ZNF519: variants seen among roughly 807,000 people sequenced by gnomAD.
The protein encoded by ZNF519 is similar to Zinc finger protein 85 (Zinc finger protein HPF4) (HTF1).
In ZNF519, 7 loss-of-function variants were observed where a neutral mutation model predicts 7.4. The observed-to-expected ratio is 0.94, with a 90% CI of 0.54 to 1.77. The LOEUF (loss-of-function observed/expected upper bound fraction) is 1.77, where lower values mean the gene tolerates loss of function less well. ZNF519 is among the 40% of genes most tolerant of loss of function. ZNF519 has a pLI of 0.00. For missense variants in ZNF519, 586 were observed against 623.1 expected, an observed-to-expected ratio of 0.94 and a Z score of 0.63; for synonymous variants, 179 against 203.3, an observed-to-expected ratio of 0.88 and a Z score of 1.02.
chr18:14,119,905 G>A (rs2046262729), intron 2 of ZNF519, among the ~76,000 whole-genome samples: 1 of 152,134 alleles, frequency 6.6e-6, no homozygotes, highest in African/African-American at 2.4e-5. Flanking sequence ...AATACAGTAA[G>A]ATATTGATGA....
intron 1 of ZNF519, among the ~76,000 whole-genome samples, chr18:14,126,305 C>T (rs2046299249): frequency 6.6e-6 from 1 of 152,178 alleles, no homozygotes; most frequent in Non-Finnish European, 1.5e-5. Flanking sequence ...CTATTTTAGC[C>T]ACTTCCCTAT....
chr18:14,106,462 T>C (rs1567948924), intron 2 of ZNF519, 53 bp from the exon 3 acceptor site: 3 of 1,446,356 alleles, frequency 2.1e-6, no homozygotes, highest in East Asian at 2.3e-5. Flanking sequence ...CAGTTGAATA[T>C]ACTTTACAAA....
Position 14,106,158 on chromosome 18 carries a change from GCTT to G in ZNF519, c.379_381del (p.Lys127del). ...GTAGGAGCAGCTGACAGAAACTGAG[GCTT>G]CTTCTGAAATATTCTATATTCTTTG... On this transcript the variant is annotated inframe_deletion, in exon 3 of 3. Coordinates refer to ENST00000590202, the MANE Select transcript of ZNF519 (RefSeq NM_145287.4). The G allele has an allele frequency of 6.2e-7, 1 of 1,611,716 alleles. No homozygotes were observed. The highest frequency in any genetic ancestry group is 1.7e-4 in the Middle Eastern group (1 of 6,030).
chr18:14,102,455 C>T lies in ZNF519; in HGVS notation c.*2462G>A, dbSNP rs1345774940. On this transcript the variant is annotated 3_prime_UTR_variant, in exon 3 of 3. Coordinates refer to ENST00000590202, the MANE Select transcript of ZNF519 (RefSeq NM_145287.4). ...AAGTGCTGGGATTACAGGCATTAGC[C>T]ACTACGCCTGCCCCTGTCTTTCACT... is the stretch of plus-strand genomic sequence containing the variant. The T allele has an allele frequency of 1.3e-5, 2 of 152,180 alleles. No homozygotes were observed. The highest frequency in any genetic ancestry group is 4.8e-5 in the African/African-American group (2 of 41,410). The allele number at this position is 152,180 out of a possible 1,614,324, so 9.4% of individuals were successfully genotyped here. A position where few individuals can be genotyped will look rare whatever the true frequency, so the allele number is the denominator to read the frequency against.
At chr18:14,129,313 G>A (rs769457398) in intron 1 of ZNF519, among the ~76,000 whole-genome samples, 2 of 152,298 alleles carry the variant, frequency 1.3e-5, no homozygotes, top group South Asian at 2.1e-4. Context: ...GCTGTTGTGA[G>A]CACAATTCCT....
In ZNF519 at chr18:14,118,484, C is replaced by G. The variant is rs375556274; in HGVS notation, c.130+5866G>C. 4.6e-5 allele frequency among the ~76,000 whole-genome samples: 7 copies of G among 152,314 alleles called. No individual in the cohort carries two copies. The East Asian group carries it at 1.3e-3, about 29-fold the overall frequency. On this transcript the variant is annotated intron_variant, in intron 2 of 2. Transcript: ENST00000590202. ...AAGTGACAGTATATGATTCCACTTA[C>G]ATAAGACATCTTATGTCATAAACTT...
At chr18:14,111,280 GGAT>G (rs1182436807) in intron 2 of ZNF519, among the ~76,000 whole-genome samples, 2 of 151,118 alleles carry the variant, frequency 1.3e-5, no homozygotes, top group African/African-American at 4.9e-5. Flanking sequence ...TAAGGCAGGG[GGAT>G]CACCTGAAGT....
chr18:14,106,564 C>T (rs1053245199), intron 2 of ZNF519, 155 bp from the exon 3 acceptor site: 1 of 506,706 alleles, frequency 2.0e-6, no homozygotes, highest in Non-Finnish European at 3.3e-6. Context: ...AAATAGAAGG[C>T]TCCAGTGATC....
chr18:14,124,429 C>G lies in ZNF519; in HGVS notation c.51G>C (p.Glu17Asp). ...RDVAIEFSPE[E>D]WKCLDPAQQN... ...GTTGGGCAGGGTCTAGGCATTTCCA[C>G]TCTTCTGGAGAGAATTCTATGGCCA... The change falls in exon 2 of 3, where the codon GAG (glutamate) becomes GAC (aspartate). Residue 17 changes from glutamate to aspartate, a missense_variant. Glu to Asp is a conservative substitution (Grantham distance 45, BLOSUM62 2). Transcript: ENST00000590202. The G allele has an allele frequency of 6.2e-7, 1 of 1,613,012 alleles. No individual in the cohort carries two copies. The highest frequency in any genetic ancestry group is 8.5e-7 in the Non-Finnish European group (1 of 1,179,752).
downstream of ZNF519, chr18:14,073,254 T>TTATTTATG (rs1821047703): frequency 2.9e-5 from 1 of 34,772 alleles, no homozygotes; most frequent in East Asian, 3.2e-4. Flanking sequence ...ATTTATTTAT[T>TTATTTATG]TATTTATTTA....
chr18:14,086,710 G>A (rs1413580082), intron 2 of ZNF519, among the ~76,000 whole-genome samples: 2 of 152,150 alleles, frequency 1.3e-5, no homozygotes. Flanking sequence ...TGTAAGCCCC[G>A]CTCTAGTCCT....
At chr18:14,080,345 CAG>C (rs2046066208) in intron 3 of ZNF519, 1 of 85,692 alleles carries the variant, frequency 1.2e-5, no homozygotes, top group Non-Finnish European at 2.2e-5. Context: ...TTTTTTGAGA[CAG>C]AGTCTCGCTC....
chr18:14,118,409 A>G (rs934897680), intron 2 of ZNF519, among the ~76,000 whole-genome samples: 1 of 152,200 alleles, frequency 6.6e-6, no homozygotes, highest in African/African-American at 2.4e-5. Flanking sequence ...AGATGCTACA[A>G]TAAGAATAAA....
chr18:14,110,008 A>C (rs918206469), intron 2 of ZNF519, among the ~76,000 whole-genome samples: 1 of 152,210 alleles, frequency 6.6e-6, no homozygotes, highest in Non-Finnish European at 1.5e-5. Flanking sequence ...CCAATGAAGC[A>C]TAATAGAGAA....
At chr18:14,129,654 C>T (rs1346325221) in intron 1 of ZNF519, among the ~76,000 whole-genome samples, 1 of 152,140 alleles carries the variant, frequency 6.6e-6, no homozygotes, top group African/African-American at 2.4e-5. Context: ...AATTATCCAA[C>T]ACCAACTAGC....
intron 3 of ZNF519, chr18:14,084,267 G>A (rs548200717): frequency 6.6e-6 from 1 of 152,176 alleles, no homozygotes; most frequent in South Asian, 2.1e-4. Flanking sequence ...AGGTAAAATC[G>A]GTCTGGATAA....
At chr18:14,075,776 T>A (rs2046045321), downstream of ZNF519, 1 of 152,224 alleles carries the variant, frequency 6.6e-6, no homozygotes, top group South Asian at 2.1e-4. Context: ...TCTATTCATA[T>A]TCAGAGTTAG....
chr18:14,081,417 A>G (rs1207216686), intron 3 of ZNF519, among the ~76,000 whole-genome samples: 1 of 152,224 alleles, frequency 6.6e-6, no homozygotes, highest in African/African-American at 2.4e-5. Flanking sequence ...GGATTACCTA[A>G]TTGTTTTGAA....
At position 14,132,337 on chromosome 18, in the gene ZNF519, A is replaced by G. The variant is rs1243769812; in HGVS notation, c.-60T>C. ...ATAAATCATTCAATGCCAGCAGGTC[A>G]CAGAGCGACGGAGTGAGTGGCAGAA... On this transcript the variant is annotated 5_prime_UTR_variant, in exon 1 of 3. Transcript: ENST00000590202. 4 of 1,604,626 alleles carry G rather than the reference A, an allele frequency of 2.5e-6. No individual in the cohort carries two copies. In the South Asian group the frequency reaches 3.3e-5, roughly 13 times the overall value.
Sources: allele counts gnomAD v4.1 joint callset (sites outside exome capture counted in the v4.1 genomes callset), GRCh38; gene constraint gnomAD v4.1.1; transcripts MANE v1.5; gene names NCBI Gene and HGNC (gene_info 2026-07-23, HGNC 2026-07-21).